The following SLC17A7 variants were observed in gnomAD, a reference collection of about 807,000 sequenced individuals.
SLC17A7 encodes vesicular glutamate transporter 1.
Under a neutral mutation model 59.1 loss-of-function variants are expected in SLC17A7, and 15 were observed. The ratio of observed to expected loss-of-function variants is 0.25; its 90% CI spans 0.17 to 0.39. SLC17A7 has a LOEUF of 0.39. Ranked by LOEUF, SLC17A7 falls within the 10% of genes least tolerant of loss-of-function variation. SLC17A7 has a pLI of 1.00. For missense variants in SLC17A7, 499 were observed against 765.1 expected, an observed-to-expected ratio of 0.65 and a Z score of 4.10; for synonymous variants, 353 against 308.9, an observed-to-expected ratio of 1.14 and a Z score of -1.50.
At chr19:49,432,709 GC>G in intron 8 of SLC17A7, 58 bp from the exon 9 acceptor site, 1 of 1,605,540 alleles carries the variant, frequency 6.2e-7, no homozygotes, top group Non-Finnish European at 8.5e-7. Flanking sequence ...CGGCGTCTCT[GC>G]CCGGTCCGTG....
In SLC17A7 at chr19:49,433,873, G is replaced by C. The variant is rs754527729; in HGVS notation, c.725-5C>G. Reference sequence around the variant, plus strand: ...ACCAGAAGATCCCGAAGCTGCCTGGGGGGGTCAGGAGGGGGATGGGAGCGA... The same window carrying C: ...ACCAGAAGATCCCGAAGCTGCCTGGCGGGGTCAGGAGGGGGATGGGAGCGA... On this transcript the variant is annotated splice_polypyrimidine_tract_variant and splice_region_variant and intron_variant, in intron 6 of 11. Coordinates refer to ENST00000221485, the MANE Select transcript of SLC17A7 (RefSeq NM_020309.4). This position sits in a 1 kb window ranked among gnomAD's most constrained non-coding sequence, Gnocchi z 5.7. 5.5e-5 allele frequency: 89 copies of C among 1,611,442 alleles called. 1 individual carries two copies. The Middle Eastern group carries it at 1.3e-3, about 24-fold the overall frequency.
At chr19:49,441,255 G>T in intron 1 of SLC17A7, 63 bp downstream of exon 1, 1 of 1,573,960 alleles carries the variant, frequency 6.4e-7, no homozygotes, top group Non-Finnish European at 8.6e-7. Context: ...TCTGCGCCCA[G>T]GTGGGAATTA....
Position 49,432,557 on chromosome 19 carries a change from A to G in SLC17A7, c.1112T>C (p.Met371Thr), listed in dbSNP as rs1183133381. ...IADFLRSRRIMSTTNVRKLMN... is the reference protein window; with the variant it reads ...IADFLRSRRITSTTNVRKLMN... Reference sequence around the variant, plus strand: ...CAACTTGCGCACGTTGGTGGTGGACATGATGCGGCGGCTCCGCAGGAAGTC... The same window carrying G: ...CAACTTGCGCACGTTGGTGGTGGACGTGATGCGGCGGCTCCGCAGGAAGTC... Residue 371 changes from methionine (M) to threonine (T), a missense_variant, in exon 9 of 12, where the codon ATG becomes ACG. Met to Thr is a moderately conservative substitution (Grantham distance 81). Around this residue, in one of 3 missense-constraint regions of SLC17A7, gnomAD observed 323 missense variants for 607.2 expected, o/e 0.53. Coordinates refer to ENST00000221485, the MANE Select transcript of SLC17A7 (RefSeq NM_020309.4). 1.1e-5 allele frequency: 18 copies of G among 1,613,510 alleles called. No homozygotes were observed. The highest frequency in any genetic ancestry group is 8.0e-5 in the African/African-American group (6 of 74,934).
rs148893780 is a variant in SLC17A7 at position 49,434,618 on chromosome 19, C to G, written c.621G>C (p.Ala207=). ...TCCTCTCACCACAAAAGGCTGTCGT[C>G]GCCAGGCGACTCCGTTCTAAGGGTG... ...WAPPLERSRL[A]TTAFCGSYAG... is the part of the protein sequence containing the mutation. Residue 207 remains alanine (A), a synonymous_variant, in exon 5 of 12, where the codon GCG becomes GCC. Coordinates refer to ENST00000221485, the MANE Select transcript of SLC17A7 (RefSeq NM_020309.4). The G allele has an allele frequency of 6.9e-6, 11 of 1,602,250 alleles. No homozygotes were observed. Among genetic ancestry groups the G allele is most frequent in the Non-Finnish European group, 9.3e-6 (11 of 1,177,014 alleles).
At chr19:49,435,004 G>A (rs1170779497) in intron 3 of SLC17A7, 122 bp from the exon 4 acceptor site, 1 of 1,045,752 alleles carries the variant, frequency 9.6e-7, no homozygotes. Flanking sequence ...CCACCTCTCT[G>A]ACTTACACCT....
chr19:49,441,332 G>T lies in SLC17A7; in HGVS notation c.48C>A (p.Leu16=), dbSNP rs751089192. The change falls in exon 1 of 12, where the codon CTC becomes CTA. Residue 16 remains leucine (L), a synonymous_variant. Coordinates refer to ENST00000221485, the MANE Select transcript of SLC17A7 (RefSeq NM_020309.4). The part of the protein sequence containing the change: ...EEFRKLAGRA[L]GKLHRLLEKR... ...GCCAGGCTCACCGGTGCAGCTTCCCGAGAGCACGACCCGCTAGCTTCCGAA... is the reference window on the plus strand; with the variant it reads ...GCCAGGCTCACCGGTGCAGCTTCCCTAGAGCACGACCCGCTAGCTTCCGAA... 3.1e-6 allele frequency: 5 copies of T among 1,610,236 alleles called. No individual in the cohort carries two copies. In the South Asian group the frequency reaches 5.5e-5, roughly 18 times the overall value.
chr19:49,429,588 AG>A lies in SLC17A7; in HGVS notation c.*930del, dbSNP rs2078950133. On this transcript the variant is annotated 3_prime_UTR_variant, in exon 12 of 12. Transcript: ENST00000221485. Reference sequence around the variant, plus strand: ...CTAAGCTGAAAGAGGGGTGTCTGAGAGGGGAAGGATCCCAGATTTTGAGTCA... The same window carrying A: ...CTAAGCTGAAAGAGGGGTGTCTGAGAGGGAAGGATCCCAGATTTTGAGTCA... 1 of 398,920 alleles carries A rather than the reference AG, an allele frequency of 2.5e-6. No homozygotes were observed. The highest frequency in any genetic ancestry group is 4.4e-6 in the Non-Finnish European group (1 of 226,096). The allele number at this position is 398,920 out of a possible 1,614,324, so 24.7% of individuals were successfully genotyped here.
At position 49,441,395 on chromosome 19, in the gene SLC17A7, C is replaced by T; in HGVS notation, c.-16G>A. The T allele has an allele frequency of 1.3e-6, 2 of 1,526,996 alleles. No individual in the cohort carries two copies. The highest frequency in any genetic ancestry group is 1.8e-6 in the Non-Finnish European group (2 of 1,142,440). 94.6% of individuals were successfully genotyped at this position (1,526,996 alleles called of 1,614,324 possible). A position where few individuals can be genotyped will look rare whatever the true frequency, so the allele number is the denominator to read the frequency against. On this transcript the variant is annotated 5_prime_UTR_variant, in exon 1 of 12. Coordinates refer to ENST00000221485, the MANE Select transcript of SLC17A7 (RefSeq NM_020309.4). ...GGAACTCCATGGTGGCGGCTCCTGC[C>T]GCCGGTCACCCCGCGGGTCCCCCCC...
chr19:49,439,868 G>A (rs1302034674), intron 1 of SLC17A7, among the ~76,000 whole-genome samples: 1 of 151,782 alleles, frequency 6.6e-6, no homozygotes, highest in African/African-American at 2.4e-5. Context: ...GAGACTGAGG[G>A]AGGGGCCTGA....
chr19:49,434,535 A>C, intron 5 of SLC17A7, 67 bp downstream of exon 5: 1 of 1,343,726 alleles, frequency 7.4e-7, no homozygotes. Context: ...CCCCGCTCAG[A>C]CCCAACAGTC....
rs1227319690 is a variant in SLC17A7 at position 49,431,364 on chromosome 19, AC to A, written c.1234del (p.Val412TrpfsTer13). On this transcript the variant is annotated frameshift_variant, in exon 10 of 12. Coordinates refer to ENST00000221485, the MANE Select transcript of SLC17A7 (RefSeq NM_020309.4). LOFTEE classifies it high-confidence loss of function. The surrounding 1 kb of genome is among the most constrained non-coding windows in gnomAD (Gnocchi z 4.6). ...AGAGATGGCGAAGCCGCTGAAGCCC[AC>A]GGCTAGGACCAGGAAGGAGATGGCC... Reference protein sequence around the residue: ...GVAISFLVLAVGFSGFAISGF... With the variant: ...GVAISFLVLAXGFSGFAISGF... 1 of 1,614,136 alleles carries A rather than the reference AC, an allele frequency of 6.2e-7. No homozygotes were observed. The highest frequency in any genetic ancestry group is 8.5e-7 in the Non-Finnish European group (1 of 1,179,996).
In SLC17A7 at chr19:49,436,850, C is replaced by A. The variant is rs1399080532; in HGVS notation, c.63-49G>T. ...ACTCGGAAGTCCAGGCCCCCAGCCC[C>A]CTCACCCCCAAGACCAGGATCCAGG... is the stretch of plus-strand genomic sequence containing the variant. On this transcript the variant is annotated intron_variant, in intron 1 of 11. Transcript: ENST00000221485. This position sits in a 1 kb window ranked among gnomAD's most constrained non-coding sequence, Gnocchi z 4.1. The A allele has an allele frequency of 6.3e-7, 1 of 1,584,880 alleles. No individual in the cohort carries two copies. Among genetic ancestry groups the A allele is most frequent in the Non-Finnish European group, 8.5e-7 (1 of 1,171,614 alleles).
rs1270159339 is a variant in SLC17A7 at position 49,431,472 on chromosome 19, G to A, written c.1151-24C>T. On this transcript the variant is annotated intron_variant, in intron 9 of 11. Coordinates refer to ENST00000221485, the MANE Select transcript of SLC17A7 (RefSeq NM_020309.4). This position sits in a 1 kb window ranked among gnomAD's most constrained non-coding sequence, Gnocchi z 4.6. ...GCCTACGGGGGCGGGGGGGGCCCGC[G>A]TCTCCTGAGTGTCGGCCGGAGCAAG... 2 of 1,596,482 alleles carry A rather than the reference G, an allele frequency of 1.3e-6. No homozygotes were observed. Among genetic ancestry groups the A allele is most frequent in the African/African-American group, 1.3e-5 (1 of 74,546 alleles).
chr19:49,440,545 C>T (rs1251599222), intron 1 of SLC17A7, among the ~76,000 whole-genome samples: 1 of 152,122 alleles, frequency 6.6e-6, no homozygotes, highest in East Asian at 1.9e-4. Context: ...GGCTGTCCTA[C>T]CCCAGGAGCC....
intron 1 of SLC17A7, among the ~76,000 whole-genome samples, chr19:49,440,719 C>T (rs2946861): frequency 0.034 from 5,231 of 152,076 alleles, 292 homozygotes; most frequent in African/African-American, 0.12. Flanking sequence ...CACAGAGAGA[C>T]GGAGAGACCC....
At chr19:49,434,146 G>A in intron 5 of SLC17A7, 100 bp from the exon 6 acceptor site, 1 of 791,102 alleles carries the variant, frequency 1.3e-6, no homozygotes, top group Non-Finnish European at 2.1e-6. Flanking sequence ...TGAATTACAG[G>A]CCACAGCCCC....
In SLC17A7 at chr19:49,436,753, C is replaced by T. The variant is rs146802692; in HGVS notation, c.111G>A (p.Ala37=). 5.0e-6 allele frequency: 8 copies of T among 1,608,594 alleles called. 1 individual carries two copies. In the African/African-American group the frequency reaches 6.7e-5, roughly 13 times the overall value. ...TCTGCGTGGTCACCGGGCGCCCATC[C>T]GCACTCAGCTCCAGCGTCTCCGCGC... is the stretch of plus-strand genomic sequence containing the variant. The part of the protein sequence containing the change: ...QEGAETLELS[A]DGRPVTTQTR... Residue 37 remains alanine, a synonymous_variant, in exon 2 of 12, where the codon GCG becomes GCA. Transcript: ENST00000221485. This position sits in a 1 kb window ranked among gnomAD's most constrained non-coding sequence, Gnocchi z 4.1.
Position 49,436,481 on chromosome 19 carries a change from G to A in SLC17A7, c.315+68C>T. ...TGGACGTCTGGTGGGTGAGTGTGACGTCATGGGGGCGTAGGCGGAGCTCGG... is the reference window on the plus strand; with the variant it reads ...TGGACGTCTGGTGGGTGAGTGTGACATCATGGGGGCGTAGGCGGAGCTCGG... On this transcript the variant is annotated intron_variant, in intron 2 of 11. Coordinates refer to ENST00000221485, the MANE Select transcript of SLC17A7 (RefSeq NM_020309.4). The surrounding 1 kb of genome is among the most constrained non-coding windows in gnomAD (Gnocchi z 4.1). 3 of 1,572,666 alleles carry A rather than the reference G, an allele frequency of 1.9e-6. No individual in the cohort carries two copies. The highest frequency in any genetic ancestry group is 2.6e-6 in the Non-Finnish European group (3 of 1,161,412).
Position 49,436,409 on chromosome 19 carries a change from C to G in SLC17A7, c.315+140G>C. On this transcript the variant is annotated intron_variant, in intron 2 of 11. Transcript: ENST00000221485. This position sits in a 1 kb window ranked among gnomAD's most constrained non-coding sequence, Gnocchi z 4.1. Reference sequence around the variant, plus strand: ...GGCGAGGTCAGAACTAAGGGGCGCACGGATTGGGCGGAGCTATTCCGACAG... The same window carrying G: ...GGCGAGGTCAGAACTAAGGGGCGCAGGGATTGGGCGGAGCTATTCCGACAG... 1 of 1,159,300 alleles carries G rather than the reference C, an allele frequency of 8.6e-7. No homozygotes were observed. The highest frequency in any genetic ancestry group is 1.5e-5 in the African/African-American group (1 of 65,254). The allele number at this position is 1,159,300 out of a possible 1,614,324, so 71.8% of individuals were successfully genotyped here. A position where few individuals can be genotyped will look rare whatever the true frequency, so the allele number is the denominator to read the frequency against.
Sources: allele counts gnomAD v4.1 joint callset (sites outside exome capture counted in the v4.1 genomes callset), GRCh38; gene constraint gnomAD v4.1.1; regional missense constraint gnomAD v4.1.1; non-coding constraint Gnocchi (gnomAD v3.1); transcripts MANE v1.5; gene names NCBI Gene and HGNC (gene_info 2026-07-23, HGNC 2026-07-21).